The following CDC37L1 variants were observed in gnomAD, a reference collection of about 807,000 sequenced individuals.
The protein encoded by CDC37L1 is cell division cycle 37 like 1, HSP90 cochaperone.
CDC37L1 carries 32 observed loss-of-function variants against 45.9 expected under a neutral mutation model. The observed-to-expected ratio is 0.70, with a 90% CI of 0.53 to 0.94. CDC37L1 has a LOEUF of 0.94. CDC37L1 is among the 40% of genes least tolerant of loss of function. CDC37L1 has a pLI of 0.00. For missense variants in CDC37L1, 434 were observed against 405.7 expected (o/e 1.07, Z -0.60); for synonymous variants, 150 against 133.0 (o/e 1.13, Z -0.88).
At position 4,688,508 on chromosome 9, in the gene CDC37L1, C is replaced by T. The variant is rs115150685; in HGVS notation, c.415-5C>T. On this transcript the variant is annotated splice_region_variant and splice_polypyrimidine_tract_variant and intron_variant, in intron 2 of 6. Coordinates refer to ENST00000381854, the MANE Select transcript of CDC37L1 (RefSeq NM_017913.4). ...CTGATTTAAATTTCTAAAATTTTTT[C>T]TTAGAGTTTTATTAATCAAGATAAA... The T allele has an allele frequency of 1.9e-3, 2,626 of 1,392,388 alleles. 53 individuals carry two copies. The African/African-American group carries it at 0.036, about 19-fold the overall frequency. 86.3% of individuals were successfully genotyped at this position (1,392,388 alleles called of 1,614,324 possible). A position where few individuals can be genotyped will look rare whatever the true frequency, so the allele number is the denominator to read the frequency against.
chr9:4,695,217 C>T (rs1304939860), intron 3 of CDC37L1, among the ~76,000 whole-genome samples: 1 of 152,098 alleles, frequency 6.6e-6, no homozygotes, highest in African/African-American at 2.4e-5. Context: ...TATGGTCTTG[C>T]TCTGTCACCC....
At chr9:4,700,905 G>A (rs1841390263) in intron 5 of CDC37L1, among the ~76,000 whole-genome samples, 1 of 152,128 alleles carries the variant, frequency 6.6e-6, no homozygotes, top group African/African-American at 2.4e-5. Flanking sequence ...CAGCAATTGT[G>A]CCTCTTAATT....
chr9:4,700,551 A>G (rs1841387589), intron 5 of CDC37L1, among the ~76,000 whole-genome samples: 1 of 152,242 alleles, frequency 6.6e-6, no homozygotes, highest in African/African-American at 2.4e-5. Context: ...AAAATAATGG[A>G]ATGTGGCCAA....
At chr9:4,680,049 A>C in intron 1 of CDC37L1, 150 bp downstream of exon 1, 1 of 986,286 alleles carries the variant, frequency 1.0e-6, no homozygotes, top group Non-Finnish European at 1.4e-6. Flanking sequence ...GCCTGATGCC[A>C]TCCCACCCCT....
At chr9:4,704,718 T>C (rs1841427462) in intron 6 of CDC37L1, among the ~76,000 whole-genome samples, 1 of 152,194 alleles carries the variant, frequency 6.6e-6, no homozygotes, top group Admixed American at 6.5e-5. Context: ...TGGGTAACCA[T>C]TTAGCTTTTC....
intron 6 of CDC37L1, among the ~76,000 whole-genome samples, chr9:4,702,806 G>A (rs898061269): frequency 2.7e-5 from 4 of 147,914 alleles, no homozygotes; most frequent in East Asian, 4.1e-4. Flanking sequence ...GGAGAATGGC[G>A]TGAACCCGGG....
Position 4,697,845 on chromosome 9 carries a change from G to C in CDC37L1, c.713G>C (p.Arg238Thr). ...EMAKNCNVDP[R>T]GCFRLFFQKA... ...GCCAAAAACTGTAATGTGGATCCAA[G>C]AGGGTGTTTTCGTTTATTTTTCCAG... Residue 238 changes from arginine to threonine, a missense_variant, in exon 5 of 7, where the codon AGA becomes ACA. By Grantham distance (71) the Arg-to-Thr change is moderately conservative. Transcript: ENST00000381854. The C allele has an allele frequency of 2.5e-6, 4 of 1,613,206 alleles. No individual in the cohort carries two copies. Among genetic ancestry groups the C allele is most frequent in the Non-Finnish European group, 3.4e-6 (4 of 1,179,372 alleles).
At chr9:4,685,367 G>T (rs1387257625) in intron 2 of CDC37L1, 1 of 468,898 alleles carries the variant, frequency 2.1e-6, no homozygotes, top group Non-Finnish European at 3.9e-6. Context: ...TAAGTGACCA[G>T]ACTGAAATAC....
chr9:4,680,085 G>A lies in CDC37L1; in HGVS notation c.132+186G>A, dbSNP rs575348491. Among the ~76,000 whole-genome samples the A allele has an allele frequency of 3.9e-5, 6 of 152,264 alleles. No homozygotes were observed. In the East Asian group the frequency reaches 9.7e-4, roughly 25 times the overall value. On this transcript the variant is annotated intron_variant, in intron 1 of 6. Transcript: ENST00000381854. ...TTTATGGCATCTTCGGAGGGCAGAC[G>A]GGGTGGCCATATATTACCAACCTCC...
At chr9:4,692,458 T>C (rs1163241045) in intron 3 of CDC37L1, among the ~76,000 whole-genome samples, 2 of 151,908 alleles carry the variant, frequency 1.3e-5, no homozygotes, top group African/African-American at 4.8e-5. Flanking sequence ...TTAGTAGAGA[T>C]GGGGTTTCAC....
Position 4,701,929 on chromosome 9 carries a change from A to T in CDC37L1, c.813A>T (p.Arg271Ser). ...TTGAAGCTTTCAAGTCAAGAGTAAGACTTTATTCTCAATCACAAAGTTTTC... is the reference window on the plus strand; with the variant it reads ...TTGAAGCTTTCAAGTCAAGAGTAAGTCTTTATTCTCAATCACAAAGTTTTC... ...NELEAFKSRV[R>S]LYSQSQSFQP... is the part of the protein sequence containing the mutation. The change falls in exon 6 of 7, where the codon AGA (arginine) becomes AGT (serine). Residue 271 changes from arginine (R) to serine (S), a missense_variant. Transcript: ENST00000381854. 2 of 1,597,398 alleles carry T rather than the reference A, an allele frequency of 1.3e-6. No individual in the cohort carries two copies. The highest frequency in any genetic ancestry group is 1.8e-5 in the Admixed American group (1 of 56,634).
intron 1 of CDC37L1, among the ~76,000 whole-genome samples, chr9:4,680,347 C>T (rs995847708): frequency 6.6e-6 from 1 of 152,328 alleles, no homozygotes; most frequent in Non-Finnish European, 1.5e-5. Flanking sequence ...CACACTGAGT[C>T]CTGACAAAGA....
At position 4,708,365 on chromosome 9, in the gene CDC37L1, A is replaced by AATT. The variant is rs1841467744; in HGVS notation, c.*2255_*2257dup. 1 of 151,994 alleles carries AATT rather than the reference A, an allele frequency of 6.6e-6. No homozygotes were observed. Among genetic ancestry groups the AATT allele is most frequent in the Non-Finnish European group, 1.5e-5 (1 of 67,922 alleles). The allele number at this position is 151,994 out of a possible 1,614,324, so 9.4% of individuals were successfully genotyped here. A position where few individuals can be genotyped will look rare whatever the true frequency, so the allele number is the denominator to read the frequency against. On this transcript the variant is annotated 3_prime_UTR_variant, in exon 7 of 7. Coordinates refer to ENST00000381854, the MANE Select transcript of CDC37L1 (RefSeq NM_017913.4). ...CAAAGATTCTTGTTTCATTTGATAA[A>AATT]ATTAATATTTGAATAAAAAAATTTT...
At chr9:4,686,040 G>A (rs1159826069) in intron 2 of CDC37L1, among the ~76,000 whole-genome samples, 3 of 152,184 alleles carry the variant, frequency 2.0e-5, no homozygotes, top group Admixed American at 2.0e-4. Context: ...GCATGTGCCT[G>A]TATTGCCTTA....
intron 5 of CDC37L1, among the ~76,000 whole-genome samples, chr9:4,698,228 C>A (rs1343907839): frequency 6.6e-6 from 1 of 151,864 alleles, no homozygotes; most frequent in Non-Finnish European, 1.5e-5. Context: ...AAAATAGATA[C>A]AGGATTCTTC....
At chr9:4,692,607 C>T (rs1841311983) in intron 3 of CDC37L1, among the ~76,000 whole-genome samples, 1 of 152,016 alleles carries the variant, frequency 6.6e-6, no homozygotes, top group Non-Finnish European at 1.5e-5. Flanking sequence ...CAAAAATATG[C>T]CTGGAAGGAA....
chr9:4,691,908 G>A (rs1309585005), intron 3 of CDC37L1, among the ~76,000 whole-genome samples: 1 of 151,970 alleles, frequency 6.6e-6, no homozygotes, highest in Non-Finnish European at 1.5e-5. Context: ...TTTCACAACC[G>A]TTATATTCAC....
rs1841201938 is a variant in CDC37L1 at position 4,682,262 on chromosome 9, A to G, written c.132+2363A>G. Among the ~76,000 whole-genome samples, 3 of 143,002 alleles carry G rather than the reference A, an allele frequency of 2.1e-5. No homozygotes were observed. In the Admixed American group the frequency reaches 2.2e-4, roughly 10 times the overall value. The allele number at this position is 143,002 out of a possible 152,430, so 93.8% of individuals were successfully genotyped here. ...ACCACAGCCTCCGCCTCCCAGGCTC[A>G]TGTGATTCTCCTGCCTCAGCCTCCT... On this transcript the variant is annotated intron_variant, in intron 1 of 6. Coordinates refer to ENST00000381854, the MANE Select transcript of CDC37L1 (RefSeq NM_017913.4).
At chr9:4,696,959 G>A (rs1841353478) in intron 3 of CDC37L1, 137 bp from the exon 4 acceptor site, 1 of 576,164 alleles carries the variant, frequency 1.7e-6, no homozygotes, top group Non-Finnish European at 3.1e-6. Flanking sequence ...TGTTGCTCTG[G>A]TAATATGAAT....
Sources: allele counts gnomAD v4.1 joint callset (sites outside exome capture counted in the v4.1 genomes callset), GRCh38; gene constraint gnomAD v4.1.1; transcripts MANE v1.5; gene names NCBI Gene and HGNC (gene_info 2026-07-23, HGNC 2026-07-21).